Variants in BUD13 observed in about 807,000 individuals in gnomAD.
BUD13 encodes the protein BUD13 spliceosome associated protein.
In BUD13, 47 loss-of-function variants were observed where a neutral mutation model predicts 62.5. That is an observed-to-expected ratio of 0.75 (90% CI 0.60 to 0.96). BUD13 has a LOEUF of 0.96. BUD13 is among the 40% of genes least tolerant of loss of function. The pLI, the probability that BUD13 is intolerant of heterozygous loss-of-function variation, is 0.00. For synonymous variants in BUD13, 293 were observed against 280.1 expected, an observed-to-expected ratio of 1.05 and a Z score of -0.46; for missense variants, 821 against 790.9, an observed-to-expected ratio of 1.04 and a Z score of -0.46.
Position 116,757,187 on chromosome 11 carries a change from T to C in BUD13, c.1725A>G (p.Arg575=). The change falls in exon 9 of 10, where the codon AGA becomes AGG. Residue 575 remains arginine (R), a synonymous_variant. Transcript: ENST00000260210. ...RYSGPAPPPN[R]FNIWPGYRWD... ...AGCGATATCCAGGCCAGATATTAAA[T>C]CTGTTGGGAGGAGGTGCTGGACCAC... The C allele has an allele frequency of 6.2e-7, 1 of 1,614,204 alleles. No individual in the cohort carries two copies. The highest frequency in any genetic ancestry group is 8.5e-7 in the Non-Finnish European group (1 of 1,180,024).
intron 2 of BUD13, among the ~76,000 whole-genome samples, chr11:116,766,817 T>C (rs1940537135): frequency 6.6e-6 from 1 of 152,226 alleles, no homozygotes; most frequent in Admixed American, 6.5e-5. Context: ...AGATCTGTTT[T>C]AACCAATGCA....
chr11:116,753,522 T>A (rs894218711), intron 9 of BUD13, among the ~76,000 whole-genome samples: 1 of 152,186 alleles, frequency 6.6e-6, no homozygotes, highest in Non-Finnish European at 1.5e-5. Flanking sequence ...AGGAATACAG[T>A]GTAACAGAAC....
intron 5 of BUD13, 68 bp from the exon 6 acceptor site, chr11:116,759,247 A>G: frequency 1.9e-6 from 2 of 1,065,920 alleles, no homozygotes; most frequent in East Asian, 4.8e-5. Flanking sequence ...ATGGGTACAC[A>G]GTTAGTTGCA....
chr11:116,748,310 T>C lies in BUD13; in HGVS notation c.*172A>G, dbSNP rs1940175301. The stretch of plus-strand genomic sequence containing the variant: ...TGCTGTCACACCCAAGAAGTACAGG[T>C]ACCTCAGTCCAAACATCAGGTCTCG... On this transcript the variant is annotated 3_prime_UTR_variant, in exon 10 of 10. Transcript: ENST00000260210. The C allele has an allele frequency of 1.7e-6, 1 of 595,126 alleles. No homozygotes were observed. Among genetic ancestry groups the C allele is most frequent in the South Asian group, 2.1e-5 (1 of 46,838 alleles). 36.9% of individuals were successfully genotyped at this position (595,126 alleles called of 1,614,324 possible).
chr11:116,753,003 T>C (rs1391523644), intron 9 of BUD13, among the ~76,000 whole-genome samples: 2 of 152,184 alleles, frequency 1.3e-5, no homozygotes, highest in African/African-American at 4.8e-5. Flanking sequence ...AGACAGATTC[T>C]AGACATTGCA....
intron 6 of BUD13, 26 bp downstream of exon 6, chr11:116,759,048 T>C: frequency 6.5e-7 from 1 of 1,533,982 alleles, no homozygotes; most frequent in Non-Finnish European, 9.0e-7. Context: ...GAGCCTAAAT[T>C]GGTCTCTGCA....
intron 3 of BUD13, among the ~76,000 whole-genome samples, chr11:116,764,986 T>C (rs1055167389): frequency 3.3e-5 from 5 of 152,128 alleles, no homozygotes; most frequent in African/African-American, 9.7e-5. Flanking sequence ...AGTTGCTTCA[T>C]TGTGGAAGAG....
intron 5 of BUD13, among the ~76,000 whole-genome samples, chr11:116,759,510 C>T (rs1422878787): frequency 1.3e-5 from 2 of 152,140 alleles, no homozygotes; most frequent in African/African-American, 2.4e-5. Context: ...ACTAAGCCTT[C>T]CATTAGAGAC....
chr11:116,755,308 G>C (rs1940303756), intron 9 of BUD13, among the ~76,000 whole-genome samples: 1 of 152,192 alleles, frequency 6.6e-6, no homozygotes, highest in Non-Finnish European at 1.5e-5. Context: ...AAGACCGGAA[G>C]TGATGTTAAC....
chr11:116,762,813 G>C lies in BUD13; in HGVS notation c.776C>G (p.Ser259Ter). The C allele has an allele frequency of 6.2e-7, 1 of 1,614,104 alleles. No individual in the cohort carries two copies. The highest frequency in any genetic ancestry group is 8.5e-7 in the Non-Finnish European group (1 of 1,179,996). The change falls in exon 4 of 10, where the codon TCA (serine) becomes TGA (stop). Residue 259 changes from serine (S) to a stop codon, truncating the protein, a stop_gained. Coordinates refer to ENST00000260210, the MANE Select transcript of BUD13 (RefSeq NM_032725.4). LOFTEE classifies it high-confidence loss of function. Reference sequence around the variant, plus strand: ...GGCCCTTCTGAGTTGCTGTGTGTCTGAAGAGCCAAGAGTCCTCCTAGATGT... The same window carrying C: ...GGCCCTTCTGAGTTGCTGTGTGTCTCAAGAGCCAAGAGTCCTCCTAGATGT... ...PDTSRRTLGSSDTQQLRRARH... is the reference protein window; with the variant it reads ...PDTSRRTLGS
intron 1 of BUD13, among the ~76,000 whole-genome samples, chr11:116,771,682 G>A (rs1038238502): frequency 1.3e-5 from 2 of 152,110 alleles, no homozygotes; most frequent in Non-Finnish European, 2.9e-5. Flanking sequence ...ACATGGCACT[G>A]CCTCCAAAGG....
Position 116,767,886 on chromosome 11 carries a change from T to C in BUD13, c.237+2243A>G, listed in dbSNP as rs555920944. On this transcript the variant is annotated intron_variant, in intron 2 of 9. Transcript: ENST00000260210. ...TACGTGCAGGACTAAGGTAGGAGGA[T>C]TGCTTGCACCTGGAAGGTAGAGGCT... is the stretch of plus-strand genomic sequence containing the variant. 1.6e-4 allele frequency among the ~76,000 whole-genome samples: 24 copies of C among 151,290 alleles called. No individual in the cohort carries two copies. In the South Asian group the frequency reaches 4.6e-3, roughly 29 times the overall value.
rs771953293 is a variant in BUD13 at position 116,760,821 on chromosome 11, G to C, written c.1168C>G (p.Leu390Val). 1.2e-6 allele frequency: 2 copies of C among 1,614,162 alleles called. No homozygotes were observed. Among genetic ancestry groups the C allele is most frequent in the Non-Finnish European group, 1.7e-6 (2 of 1,180,012 alleles). The change falls in exon 5 of 10, where the codon CTC becomes GTC. Residue 390 changes from leucine (L) to valine (V), a missense_variant. Coordinates refer to ENST00000260210, the MANE Select transcript of BUD13 (RefSeq NM_032725.4). ...CTCTGTCTCCTCCTTGGTGGAGAGA[G>C]GTCAGAATCAGAGCTCCGGTGTCTA... Reference protein sequence around the residue: ...RPRHRSSDSDLSPPRRRQRTK... With the variant: ...RPRHRSSDSDVSPPRRRQRTK...
rs771809421 is a variant in BUD13, at chr11:116,763,176, G to A, written c.413C>T (p.Pro138Leu). Residue 138 changes from proline (P) to leucine (L), a missense_variant, in exon 4 of 10, where the codon CCA (proline) becomes CTA (leucine). Around this residue, in one of 2 missense-constraint regions of BUD13, gnomAD observed 800 missense variants for 739.2 expected, o/e 1.08. Transcript: ENST00000260210. ...PRRVRHGTPD[P>L]SPRKDRHDTP... ...GTCATGACGGTCCTTCCTAGGAGATGGATCTGGGGTACCATGACGGACCCT... is the reference window on the plus strand; with the variant it reads ...GTCATGACGGTCCTTCCTAGGAGATAGATCTGGGGTACCATGACGGACCCT... 4 of 1,600,330 alleles carry A rather than the reference G, an allele frequency of 2.5e-6. No individual in the cohort carries two copies. The highest frequency in any genetic ancestry group is 2.6e-6 in the Non-Finnish European group (3 of 1,172,242).
At chr11:116,754,021 A>G (rs1479776531) in intron 9 of BUD13, among the ~76,000 whole-genome samples, 1 of 152,220 alleles carries the variant, frequency 6.6e-6, no homozygotes, top group African/African-American at 2.4e-5. Flanking sequence ...CCACTGGGCC[A>G]TAAAACACAC....
In BUD13 at chr11:116,772,917, G is replaced by A. The variant is rs1039733762; in HGVS notation, c.48C>T (p.Tyr16=). Residue 16 remains tyrosine (Y), a synonymous_variant, in exon 1 of 10, where the codon TAC becomes TAT. Coordinates refer to ENST00000260210, the MANE Select transcript of BUD13 (RefSeq NM_032725.4). The part of the protein sequence containing the change: ...PLSKAEYLKR[Y]LSGADAGVDR... The stretch of plus-strand genomic sequence containing the variant: ...CGACGCCGGCATCTGCCCCGGACAA[G>A]TAACGCTTCAGATACTCGGCCTTGG... 5 of 1,589,680 alleles carry A rather than the reference G, an allele frequency of 3.1e-6. No homozygotes were observed. The highest frequency in any genetic ancestry group is 4.3e-6 in the Non-Finnish European group (5 of 1,168,632).
At chr11:116,759,573 C>T (rs933527309) in intron 5 of BUD13, among the ~76,000 whole-genome samples, 1 of 152,094 alleles carries the variant, frequency 6.6e-6, no homozygotes, top group Non-Finnish European at 1.5e-5. Context: ...AACCTAAGAT[C>T]CTTAAATTGT....
intron 9 of BUD13, among the ~76,000 whole-genome samples, chr11:116,749,951 G>C (rs576696594): frequency 1.3e-5 from 2 of 152,216 alleles, no homozygotes; most frequent in Admixed American, 1.3e-4. Flanking sequence ...GAGAGCACAA[G>C]AGTAGGAGCA....
chr11:116,758,154 C>T, intron 7 of BUD13, 115 bp downstream of exon 7: 1 of 1,491,398 alleles, frequency 6.7e-7, no homozygotes, highest in South Asian at 1.3e-5. Context: ...CACCAAATTT[C>T]CCATTACTGA....
Sources: allele counts gnomAD v4.1 joint callset (sites outside exome capture counted in the v4.1 genomes callset), GRCh38; gene constraint gnomAD v4.1.1; regional missense constraint gnomAD v4.1.1; transcripts MANE v1.5; gene names NCBI Gene and HGNC (gene_info 2026-07-23, HGNC 2026-07-21).